The following IQCM variants were observed in gnomAD, a reference collection of about 807,000 sequenced individuals.
IQCM encodes the protein IQ motif containing M, also known as IQ domain-containing protein M.
Under a neutral mutation model 57.6 loss-of-function variants are expected in IQCM, and 45 were observed. The observed-to-expected ratio is 0.78, with a 90% CI of 0.62 to 1.00. The LOEUF (loss-of-function observed/expected upper bound fraction) is 1.00. Among genes scored for constraint, IQCM ranks in the 50% least tolerant of loss-of-function variants. The pLI is 0.00. For synonymous variants in IQCM, 148 were observed against 158.9 expected (o/e 0.93, Z 0.51); for missense variants, 468 against 511.6 (o/e 0.91, Z 0.82).
At chr4:149,736,238 G>A (rs1766933392) in intron 3 of IQCM, among the ~76,000 whole-genome samples, 1 of 152,042 alleles carries the variant, frequency 6.6e-6, no homozygotes, top group African/African-American at 2.4e-5. Flanking sequence ...GTGACCGAAA[G>A]CACCCAGCCT....
rs959446502 is a variant in IQCM at position 149,385,368 on chromosome 4, A to G, written c.1391-33302T>C. Among the ~76,000 whole-genome samples the G allele has an allele frequency of 3.9e-5, 6 of 152,118 alleles. No individual in the cohort carries two copies. In the East Asian group the frequency reaches 5.8e-4, roughly 15 times the overall value. ...CCACGGTAGCAGCCTGTGCCAGAATAACAGGGGACAAAGGCAGGAGTAGAC... is the reference window on the plus strand; with the variant it reads ...CCACGGTAGCAGCCTGTGCCAGAATGACAGGGGACAAAGGCAGGAGTAGAC... On this transcript the variant is annotated intron_variant, in intron 13 of 13. Transcript: ENST00000636793.
intron 12 of IQCM, among the ~76,000 whole-genome samples, chr4:149,542,326 A>G (rs1747930645): frequency 6.6e-6 from 1 of 152,120 alleles, no homozygotes; most frequent in African/African-American, 2.4e-5. Context: ...AAAATCTAAC[A>G]TATTGCAAGG....
chr4:149,643,171 A>G (rs1758350052), intron 7 of IQCM, among the ~76,000 whole-genome samples: 1 of 152,216 alleles, frequency 6.6e-6, no homozygotes, highest in East Asian at 1.9e-4. Context: ...CTAGTATTTC[A>G]GTTTAACACA....
intron 2 of IQCM, among the ~76,000 whole-genome samples, chr4:149,753,503 T>C (rs1024459461): frequency 7.9e-5 from 12 of 151,832 alleles, no homozygotes; most frequent in Admixed American, 5.3e-4. Flanking sequence ...AGCTAGAAGA[T>C]AACACTAAGG....
intron 7 of IQCM, among the ~76,000 whole-genome samples, chr4:149,621,624 T>C (rs760548742): frequency 2.6e-5 from 4 of 152,188 alleles, no homozygotes; most frequent in Non-Finnish European, 4.4e-5. Flanking sequence ...AACCTCTCTG[T>C]GTTACATACT....
In IQCM at chr4:149,686,025, C is replaced by G. The variant is rs183273506; in HGVS notation, c.476+353G>C. On this transcript the variant is annotated intron_variant, in intron 6 of 13. Transcript: ENST00000636793. ...TTAGAAAGGAAAATTATAACTTACT[C>G]TGCTCCATAATTGCTGCAGATGAGT... 3.1e-4 allele frequency among the ~76,000 whole-genome samples: 47 copies of G among 151,616 alleles called. No individual in the cohort carries two copies. In the East Asian group the frequency reaches 6.8e-3, roughly 22 times the overall value.
chr4:149,379,030 C>G (rs1342533474), intron 13 of IQCM, among the ~76,000 whole-genome samples: 1 of 152,192 alleles, frequency 6.6e-6, no homozygotes, highest in South Asian at 2.1e-4. Context: ...TCAGAGGGTG[C>G]AAGTCCCAAG....
rs192425731 is a variant in IQCM, at chr4:149,529,110, C to T, written c.1228+19345G>A. 3.9e-5 allele frequency among the ~76,000 whole-genome samples: 6 copies of T among 152,178 alleles called. No homozygotes were observed. In the East Asian group the frequency reaches 1.2e-3, roughly 29 times the overall value. ...ACAGAGTCTCACTCCATCACTCAGG[C>T]TGGAGAGCAGTAGCACAATCTCAGC... On this transcript the variant is annotated intron_variant, in intron 12 of 13. Transcript: ENST00000636793.
intron 12 of IQCM, among the ~76,000 whole-genome samples, chr4:149,488,186 C>T (rs1225919332): frequency 6.6e-6 from 1 of 152,032 alleles, no homozygotes; most frequent in East Asian, 1.9e-4. Context: ...TCAATGTCTA[C>T]ATTGATGTGA....
intron 12 of IQCM, among the ~76,000 whole-genome samples, chr4:149,461,350 G>C (rs186343825): frequency 7.4e-4 from 112 of 151,960 alleles, no homozygotes; most frequent in African/African-American, 2.5e-3. Flanking sequence ...ACTTTTACAA[G>C]GTTATGATAT....
intron 3 of IQCM, among the ~76,000 whole-genome samples, chr4:149,738,055 T>G (rs1364128954): frequency 6.6e-6 from 1 of 152,182 alleles, no homozygotes; most frequent in Non-Finnish European, 1.5e-5. Flanking sequence ...CATCATGTCT[T>G]ATTTCAGACA....
intron 7 of IQCM, among the ~76,000 whole-genome samples, chr4:149,664,040 A>C (rs1389382538): frequency 6.6e-6 from 1 of 152,038 alleles, no homozygotes; most frequent in East Asian, 1.9e-4. Context: ...ATTATTTTGA[A>C]AGCAAGTTTA....
intron 8 of IQCM, among the ~76,000 whole-genome samples, chr4:149,610,914 C>T (rs79757539): frequency 0.017 from 2,616 of 152,008 alleles, 77 homozygotes; most frequent in African/African-American, 0.06. Flanking sequence ...AAGAAATCAA[C>T]AAAGTAGAGA....
chr4:149,715,555 C>T (rs1393334599), intron 5 of IQCM, among the ~76,000 whole-genome samples: 2 of 152,156 alleles, frequency 1.3e-5, no homozygotes, highest in African/African-American at 4.8e-5. Flanking sequence ...CTCTTCTCTC[C>T]TTCTCATGGC....
At chr4:149,554,291 A>C (rs749358473) in intron 10 of IQCM, among the ~76,000 whole-genome samples, 1 of 152,158 alleles carries the variant, frequency 6.6e-6, no homozygotes, top group Non-Finnish European at 1.5e-5. Context: ...GCATAGAGGC[A>C]TTCCAGAGCC....
intron 13 of IQCM, among the ~76,000 whole-genome samples, chr4:149,401,625 G>A (rs577425232): frequency 5.3e-5 from 8 of 151,892 alleles, no homozygotes; most frequent in African/African-American, 1.9e-4. Flanking sequence ...AAGATGACCA[G>A]AACAATGCTG....
At chr4:149,409,949 G>A (rs571080508) in intron 13 of IQCM, among the ~76,000 whole-genome samples, 1 of 152,268 alleles carries the variant, frequency 6.6e-6, no homozygotes, top group South Asian at 2.1e-4. Context: ...ACTTTGGCAG[G>A]CCAAGGCAGG....
chr4:149,677,416 G>A (rs960844866), intron 7 of IQCM, among the ~76,000 whole-genome samples: 2 of 152,030 alleles, frequency 1.3e-5, no homozygotes, highest in Non-Finnish European at 2.9e-5. Flanking sequence ...CTTGGGAAGA[G>A]TAGCACTCCA....
rs932690844 is a variant in IQCM at position 149,602,669 on chromosome 4, A to G, written c.682-14672T>C. Among the ~76,000 whole-genome samples the G allele has an allele frequency of 8.5e-5, 13 of 152,192 alleles. No individual in the cohort carries two copies. In the Middle Eastern group the frequency reaches 0.014, roughly 159 times the overall value. On this transcript the variant is annotated intron_variant, in intron 8 of 13. Coordinates refer to ENST00000636793, the MANE Select transcript of IQCM (RefSeq NM_001363507.2). ...GTTGTATAGATTTTTATAAGGTATC[A>G]TAAATTATTCATGAAATAATGTAAT...
Sources: gnomAD v4.1 joint callset for allele counts (sites outside exome capture counted in the v4.1 genomes callset) on GRCh38, gnomAD v4.1.1 for gene constraint, MANE v1.5 for transcripts, NCBI Gene and HGNC (gene_info 2026-07-23, HGNC 2026-07-21) for gene names.